AGRN: variants seen among roughly 807,000 people sequenced by gnomAD.
The protein encoded by AGRN is agrin proteoglycan.
Under a neutral mutation model 211.0 loss-of-function variants are expected in AGRN, and 106 were observed. That is an observed-to-expected ratio of 0.50 (90% CI 0.43 to 0.59). AGRN has a LOEUF of 0.59. Among genes scored for constraint, AGRN ranks in the 20% least tolerant of loss-of-function variants. The probability of loss-of-function intolerance (pLI) is 0.00; values close to 1 mark genes in which losing one functional copy is unlikely to be tolerated. For synonymous variants in AGRN, 1,525 were observed against 1,332.5 expected (o/e 1.14, Z -3.15); for missense variants, 3,040 against 2,982.6 (o/e 1.02, Z -0.45).
At position 1,031,063 on chromosome 1, in the gene AGRN, C is replaced by A. The variant is rs2100593751; in HGVS notation, c.464-4214C>A. Among the ~76,000 whole-genome samples the A allele has an allele frequency of 8.6e-6, 1 of 116,648 alleles. No individual in the cohort carries two copies. Among genetic ancestry groups the A allele is most frequent in the Admixed American group, 9.7e-5 (1 of 10,266 alleles). The allele number at this position is 116,648 out of a possible 152,430, so 76.5% of individuals were successfully genotyped here. ...GAGTGTATCAGCATGTGTGTGTGTG[C>A]AGTGCATGGTGCTGTGAGTGTGATT... On this transcript the variant is annotated intron_variant, in intron 2 of 35. Transcript: ENST00000379370. This position sits in a 1 kb window ranked among gnomAD's most constrained non-coding sequence, Gnocchi z 4.8.
At chr1:1,020,639 C>A (rs1179727797) in intron 1 of AGRN, among the ~76,000 whole-genome samples, 4 of 152,178 alleles carry the variant, frequency 2.6e-5, no homozygotes, top group African/African-American at 9.6e-5. Flanking sequence ...CTGCGGCTGC[C>A]GCGCGCCCTC....
rs141661464 is a variant in AGRN at position 1,043,678 on chromosome 1, G to A, written c.1744G>A (p.Val582Met). ...GTACCCCAGCGAGTGCATGCTGCAC[G>A]TGCACGCCTGCACACACCAGATCAG... ...HTYPSECMLH[V>M]HACTHQISLH... Residue 582 changes from valine (V) to methionine (M), a missense_variant, in exon 9 of 36, where the codon GTG becomes ATG. By Grantham distance (21) the Val-to-Met change is conservative. Around this residue, in one of 3 missense-constraint regions of AGRN, gnomAD observed 1,498 missense variants for 1,457.8 expected, o/e 1.03. Transcript: ENST00000379370. 3.6e-5 allele frequency: 58 copies of A among 1,600,788 alleles called. No individual in the cohort carries two copies. The highest frequency in any genetic ancestry group is 8.9e-5 in the East Asian group (4 of 44,886).
rs765853726 is a variant in AGRN at position 1,048,117 on chromosome 1, C to G, written c.3857C>G (p.Pro1286Arg). 1 of 1,569,212 alleles carries G rather than the reference C, an allele frequency of 6.4e-7. No individual in the cohort carries two copies. ...CGCCTGCCGTCCTCTGCTGTGACCC[C>G]TCGGGCCCCGCACCCCAGTCACACA... ...ASRLPSSAVT[P>R]RAPHPSHTSQ... Residue 1286 changes from proline to arginine, a missense_variant, in exon 23 of 36, where the codon CCT (proline) becomes CGT (arginine). This residue lies in a region of AGRN where 1,537 missense variants were observed against 1,505.0 expected (regional missense o/e 1.02). Coordinates refer to ENST00000379370, the MANE Select transcript of AGRN (RefSeq NM_198576.4). The surrounding 1 kb of genome is among the most constrained non-coding windows in gnomAD (Gnocchi z 5.9).
At chr1:1,023,146 C>G (rs567004942) in intron 2 of AGRN, among the ~76,000 whole-genome samples, 2 of 152,280 alleles carry the variant, frequency 1.3e-5, no homozygotes, top group South Asian at 2.1e-4. Context: ...TCATGGCTGC[C>G]TGGGAAGGGA....
Position 1,043,889 on chromosome 1 carries a change from G to C in AGRN, c.1865G>C (p.Arg622Pro). 1 of 1,610,638 alleles carries C rather than the reference G, an allele frequency of 6.2e-7. No individual in the cohort carries two copies. The highest frequency in any genetic ancestry group is 1.7e-5 in the Admixed American group (1 of 59,956). ...VCSAGQCVCP[R>P]CEHPPPGPVC... Reference sequence around the variant, plus strand: ...TCCGCAGGGCAGTGTGTGTGTCCCCGGTGTGAGCACCCCCCGCCCGGCCCC... The same window carrying C: ...TCCGCAGGGCAGTGTGTGTGTCCCCCGTGTGAGCACCCCCCGCCCGGCCCC... The change falls in exon 10 of 36, where the codon CGG (arginine) becomes CCG (proline). Residue 622 changes from arginine to proline, a missense_variant. Physicochemically the swap from Arg to Pro is moderately radical, Grantham distance 103. Transcript: ENST00000379370.
chr1:1,043,757 G>A (rs201714916), intron 9 of AGRN, 25 bp downstream of exon 9: 194 of 1,602,790 alleles, frequency 1.2e-4, no homozygotes, highest in East Asian at 1.0e-3. Flanking sequence ...GGGGCCGGGC[G>A]GGCCAGGGTC....
intron 4 of AGRN, 96 bp downstream of exon 4, chr1:1,040,976 C>T (rs866574438): frequency 1.1e-5 from 3 of 282,646 alleles, no homozygotes; most frequent in Non-Finnish European, 1.1e-5. Context: ...GGGGCGGGGG[C>T]AGGGGCGGGG....
At chr1:1,029,117 C>T (rs934251122) in intron 2 of AGRN, among the ~76,000 whole-genome samples, 1 of 150,780 alleles carries the variant, frequency 6.6e-6, no homozygotes, top group Non-Finnish European at 1.5e-5. Context: ...CCACCCTTTC[C>T]GAAGGAACCG....
At chr1:1,052,804 A>G (rs1226396735) in intron 33 of AGRN, 3 of 149,326 alleles carry the variant, frequency 2.0e-5, no homozygotes, top group Admixed American at 1.3e-4. Context: ...ATGTGTGTGT[A>G]TATGAGGGAG....
chr1:1,041,156 C>T lies in AGRN; in HGVS notation c.728-17C>T, dbSNP rs768342653. 3 of 1,380,152 alleles carry T rather than the reference C, an allele frequency of 2.2e-6. No homozygotes were observed. 85.5% of individuals were successfully genotyped at this position (1,380,152 alleles called of 1,614,324 possible). ...GGGCGGGGGCGGCCCGTCTGACCGG[C>T]AAAGCCCCGCCCGCAGGCTCGCGGG... On this transcript the variant is annotated splice_polypyrimidine_tract_variant and intron_variant, in intron 4 of 35. Transcript: ENST00000379370.
rs1239736447 is a variant in AGRN at position 1,042,053 on chromosome 1, C to T, written c.1275C>T (p.Tyr425=). 5.0e-6 allele frequency: 8 copies of T among 1,608,428 alleles called. No individual in the cohort carries two copies. Among genetic ancestry groups the T allele is most frequent in the Middle Eastern group, 1.6e-4 (1 of 6,084 alleles). ...SCDRVTCDGA[Y]RPVCAQDGRT... ...ACCGCGTCACCTGTGACGGGGCCTA[C>T]AGGCCCGTGTGTGCCCAGGACGGGC... Residue 425 remains tyrosine, a synonymous_variant, in exon 7 of 36, where the codon TAC becomes TAT. Transcript: ENST00000379370.
At chr1:1,040,125 C>G (rs902222258) in intron 3 of AGRN, among the ~76,000 whole-genome samples, 1 of 152,134 alleles carries the variant, frequency 6.6e-6, no homozygotes, top group Non-Finnish European at 1.5e-5. Context: ...GACGCGGGAC[C>G]TGGGTGCGAC....
In AGRN at chr1:1,023,112, C is replaced by T. The variant is rs9442613; in HGVS notation, c.463+650C>T. On this transcript the variant is annotated intron_variant, in intron 2 of 35. Transcript: ENST00000379370. ...CAGGGAAAATATAGGAGGTCCCTGT[C>T]GCCCCCACATCCTGTCTGCTCCCTC... 7.4e-4 allele frequency among the ~76,000 whole-genome samples: 112 copies of T among 152,230 alleles called. 2 individuals carry two copies. In the East Asian group the frequency reaches 0.019, roughly 25 times the overall value.
chr1:1,049,493 T>C, intron 25 of AGRN, 42 bp downstream of exon 25: 1 of 1,599,764 alleles, frequency 6.3e-7, no homozygotes, highest in Non-Finnish European at 8.5e-7. Context: ...CCCCGGCCCT[T>C]TGGGGTCCCG....
intron 1 of AGRN, among the ~76,000 whole-genome samples, chr1:1,020,953 T>TC (rs1288825619): frequency 4.7e-5 from 7 of 148,424 alleles, no homozygotes; most frequent in African/African-American, 1.7e-4. Context: ...GAACCGGGGC[T>TC]CCCCACCCCG....
Position 1,020,968 on chromosome 1 carries a change from G to A in AGRN, c.201+595G>A, listed in dbSNP as rs1303271868. Among the ~76,000 whole-genome samples the A allele has an allele frequency of 2.0e-5, 3 of 152,042 alleles. No individual in the cohort carries two copies. In the East Asian group the frequency reaches 5.8e-4, roughly 29 times the overall value. Reference sequence around the variant, plus strand: ...GAACCGGGGCTCCCCACCCCGGGGAGGGGAAGTTTCCCTGGTTTCTCCTTC... The same window carrying A: ...GAACCGGGGCTCCCCACCCCGGGGAAGGGAAGTTTCCCTGGTTTCTCCTTC... On this transcript the variant is annotated intron_variant, in intron 1 of 35. Transcript: ENST00000379370.
Position 1,033,544 on chromosome 1 carries a change from C to A in AGRN, c.464-1733C>A, listed in dbSNP as rs549364121. Among the ~76,000 whole-genome samples the A allele has an allele frequency of 7.9e-5, 12 of 151,756 alleles. No individual in the cohort carries two copies. In the South Asian group the frequency reaches 2.3e-3, roughly 29 times the overall value. On this transcript the variant is annotated intron_variant, in intron 2 of 35. Transcript: ENST00000379370. ...CTCCGCTCCAGCACGCGACGCTGCC[C>A]GGCGCGACCCCTGCTCCCCCGGCCC...
At chr1:1,022,762 T>C (rs1027371342) in intron 2 of AGRN, among the ~76,000 whole-genome samples, 3 of 152,234 alleles carry the variant, frequency 2.0e-5, no homozygotes, top group African/African-American at 4.8e-5. Flanking sequence ...TGGAGGCCCC[T>C]TCTAGGGAGA....
In AGRN at chr1:1,048,198, C is replaced by T. The variant is rs1645157792; in HGVS notation, c.3938C>T (p.Thr1313Ile). ...AAPTTRRPPT[T>I]APSRVPGRRP... ...CCCACCACACGTCGGCCCCCCACCA[C>T]TGCCCCCAGCCGTGTGCCCGGACGT... Residue 1313 changes from threonine to isoleucine, a missense_variant, in exon 23 of 36, where the codon ACT becomes ATT. Thr to Ile is a moderately conservative substitution (Grantham distance 89). Coordinates refer to ENST00000379370, the MANE Select transcript of AGRN (RefSeq NM_198576.4). This position sits in a 1 kb window ranked among gnomAD's most constrained non-coding sequence, Gnocchi z 5.9. 1 of 1,562,996 alleles carries T rather than the reference C, an allele frequency of 6.4e-7. No individual in the cohort carries two copies. Among genetic ancestry groups the T allele is most frequent in the Non-Finnish European group, 8.6e-7 (1 of 1,157,054 alleles).
Sources: gnomAD v4.1 joint callset for allele counts (sites outside exome capture counted in the v4.1 genomes callset) on GRCh38, gnomAD v4.1.1 for gene constraint, gnomAD v4.1.1 regional missense constraint, Gnocchi (gnomAD v3.1) non-coding constraint, MANE v1.5 for transcripts, NCBI Gene and HGNC (gene_info 2026-07-23, HGNC 2026-07-21) for gene names.